NEMF: variants seen among roughly 807,000 people sequenced by gnomAD.
The protein encoded by NEMF is ribosome quality control complex subunit NEMF.
Under a neutral mutation model 162.2 loss-of-function variants are expected in NEMF, and 89 were observed. The observed-to-expected ratio is 0.55, with a 90% CI of 0.46 to 0.65. The LOEUF (loss-of-function observed/expected upper bound fraction) is 0.65. NEMF is among the 30% of genes least tolerant of loss of function. NEMF has a pLI of 0.00. For missense variants in NEMF, 1,133 were observed against 1,261.9 expected (o/e 0.90, Z 1.55); for synonymous variants, 421 against 404.5 (o/e 1.04, Z -0.49).
Position 49,800,664 on chromosome 14 carries a change from C to T in NEMF, c.2128G>A (p.Glu710Lys), listed in dbSNP as rs1890911204. 2 of 1,613,826 alleles carry T rather than the reference C, an allele frequency of 1.2e-6. No homozygotes were observed. The highest frequency in any genetic ancestry group is 1.7e-6 in the Non-Finnish European group (2 of 1,179,998). The stretch of plus-strand genomic sequence containing the variant: ...ACTTCCACAGGAGTTTCATGTTCTT[C>T]TTTATCCTCATCACTGCTCGTGTCA... ...GGDTSSDEDK[E>K]EHETPVEVEL... Residue 710 changes from glutamate to lysine, a missense_variant, in exon 23 of 33, where the codon GAA (glutamate) becomes AAA (lysine). By Grantham distance (56) the Glu-to-Lys change is moderately conservative. Coordinates refer to ENST00000298310, the MANE Select transcript of NEMF (RefSeq NM_004713.6).
chr14:49,816,428 C>A (rs1222528879), intron 16 of NEMF, among the ~76,000 whole-genome samples: 2 of 152,118 alleles, frequency 1.3e-5, no homozygotes, highest in Non-Finnish European at 2.9e-5. Flanking sequence ...CTCCTTTTTG[C>A]CCTTTGAAGC....
intron 18 of NEMF, among the ~76,000 whole-genome samples, chr14:49,812,832 G>A (rs184280286): frequency 6.6e-5 from 10 of 151,248 alleles, no homozygotes; most frequent in East Asian, 5.8e-4. Context: ...TCGCCCTGTC[G>A]CCCAGGCTGG....
intron 10 of NEMF, 89 bp downstream of exon 10, chr14:49,831,960 GTA>G (rs1050548367): frequency 1.3e-6 from 1 of 781,222 alleles, no homozygotes; most frequent in African/African-American, 1.8e-5. Flanking sequence ...TGTAAAGCAA[GTA>G]TAGTTTCAGT....
intron 28 of NEMF, among the ~76,000 whole-genome samples, chr14:49,788,241 T>C (rs1410162612): frequency 7.9e-6 from 1 of 126,114 alleles, no homozygotes; most frequent in African/African-American, 3.1e-5. Context: ...ATTGTGCCAC[T>C]GCACTCCAGC....
chr14:49,836,508 C>G (rs1284679888), intron 6 of NEMF, among the ~76,000 whole-genome samples: 1 of 151,860 alleles, frequency 6.6e-6, no homozygotes, highest in Admixed American at 6.6e-5. Context: ...GAAAAATTAG[C>G]CAGGAGTTCA....
intron 25 of NEMF, among the ~76,000 whole-genome samples, chr14:49,798,198 G>C (rs1312898255): frequency 1.3e-5 from 2 of 152,174 alleles, no homozygotes; most frequent in Non-Finnish European, 2.9e-5. Flanking sequence ...ATAAACTATA[G>C]TCATACAAAT....
intron 28 of NEMF, chr14:49,787,042 G>A (rs1890211030): frequency 3.9e-6 from 1 of 258,388 alleles, no homozygotes; most frequent in African/African-American, 2.2e-5. Flanking sequence ...ATATGTTAAA[G>A]CAGCAAAAGT....
intron 18 of NEMF, 99 bp from the exon 19 acceptor site, chr14:49,806,232 G>GTGTACA: frequency 2.8e-5 from 1 of 36,136 alleles, no homozygotes. Flanking sequence ...AATGATATGT[G>GTGTACA]TATATATATA....
intron 3 of NEMF, among the ~76,000 whole-genome samples, chr14:49,847,830 A>ATTTG: frequency 6.6e-6 from 1 of 151,368 alleles, no homozygotes; most frequent in African/African-American, 2.4e-5. Flanking sequence ...TCAGGAGTTC[A>ATTTG]AGACCAGCCT....
rs1419259460 is a variant in NEMF, at chr14:49,828,651, A to G, written c.1389T>C (p.Val463=). 6.3e-7 allele frequency: 1 copy of G among 1,586,140 alleles called. No homozygotes were observed. ...PQKNKPLLVD[V]DLSLSAYANA... ...TGGCATATGCTGACAAGCTGAGATC[A>G]ACATCTACAAGTAAGGGCTTATTTT... The change falls in exon 14 of 33, where the codon GTT becomes GTC. Residue 463 remains valine (V), a synonymous_variant. Coordinates refer to ENST00000298310, the MANE Select transcript of NEMF (RefSeq NM_004713.6).
At chr14:49,827,043 A>T (rs74048794) in intron 15 of NEMF, among the ~76,000 whole-genome samples, 5,841 of 152,214 alleles carry the variant, frequency 0.038, 394 homozygotes, top group African/African-American at 0.13. Flanking sequence ...GTAGCCAGAA[A>T]GAGTGTATGA....
At chr14:49,836,929 T>C (rs1892935891) in intron 6 of NEMF, among the ~76,000 whole-genome samples, 2 of 152,212 alleles carry the variant, frequency 1.3e-5, no homozygotes, top group African/African-American at 4.8e-5. Flanking sequence ...AGCTGTCACA[T>C]AAGGTCAGTG....
intron 3 of NEMF, among the ~76,000 whole-genome samples, chr14:49,847,814 T>G (rs1220966767): frequency 6.6e-6 from 1 of 150,958 alleles, no homozygotes; most frequent in Non-Finnish European, 1.5e-5. Flanking sequence ...GGTGGATCAC[T>G]TGAGGTCAGG....
chr14:49,800,370 C>G (rs1212496503), intron 23 of NEMF, 50 bp downstream of exon 23: 6 of 1,329,654 alleles, frequency 4.5e-6, no homozygotes, highest in African/African-American at 1.5e-5. Context: ...ATTACCTCAT[C>G]ATCATTCTCA....
In NEMF at chr14:49,829,220, G is replaced by C; in HGVS notation, c.1066C>G (p.Gln356Glu). The change falls in exon 13 of 33, where the codon CAA (glutamine) becomes GAA (glutamate). Residue 356 changes from glutamine (Q) to glutamate (E), a missense_variant. Coordinates refer to ENST00000298310, the MANE Select transcript of NEMF (RefSeq NM_004713.6). ...LKGELIEMNL[Q>E]IVDRAIQVVR... is the part of the protein sequence containing the mutation. ...ACCTGAATGGCTCTGTCAACTATTT[G>C]TAGGTTCATTTCTATGAGCTCTCCT... 1 of 1,614,106 alleles carries C rather than the reference G, an allele frequency of 6.2e-7. No homozygotes were observed. Among genetic ancestry groups the C allele is most frequent in the Non-Finnish European group, 8.5e-7 (1 of 1,180,020 alleles).
In NEMF at chr14:49,783,029, A is replaced by G. The variant is rs1889985051; in HGVS notation, c.*1607T>C. On this transcript the variant is annotated 3_prime_UTR_variant, in exon 33 of 33. Coordinates refer to ENST00000298310, the MANE Select transcript of NEMF (RefSeq NM_004713.6). ...AACATCACAGAGTGGCATCATTTGT[A>G]TAATTATATGCATTGTTGTAGTTTG... 1 of 1,464,420 alleles carries G rather than the reference A, an allele frequency of 6.8e-7. No individual in the cohort carries two copies. The highest frequency in any genetic ancestry group is 2.3e-5 in the East Asian group (1 of 43,326). 90.7% of individuals were successfully genotyped at this position (1,464,420 alleles called of 1,614,324 possible).
At chr14:49,834,863 CA>C (rs1892820550) in intron 6 of NEMF, among the ~76,000 whole-genome samples, 1 of 152,180 alleles carries the variant, frequency 6.6e-6, no homozygotes, top group African/African-American at 2.4e-5. Context: ...CTGGTGAAAA[CA>C]ATAAGTTTAC....
intron 5 of NEMF, 133 bp from the exon 6 acceptor site, chr14:49,838,339 C>A: frequency 1.5e-6 from 1 of 668,144 alleles, no homozygotes. Context: ...GGAATTCATT[C>A]TTCTGTTGTG....
chr14:49,846,207 C>A lies in NEMF; in HGVS notation c.290G>T (p.Arg97Ile). 6.2e-7 allele frequency: 1 copy of A among 1,613,524 alleles called. No individual in the cohort carries two copies. ...LVSAKQLGVD[R>I]IVDFQFGSDE... ...ACTTCCAAATTGAAAATCTACAATT[C>A]TATCCACACCAAGCTGTTTTGCACT... The change falls in exon 4 of 33, where the codon AGA becomes ATA. Residue 97 changes from arginine (R) to isoleucine (I), a missense_variant. By Grantham distance (97) the Arg-to-Ile change is moderately conservative. Around this residue, in one of 3 missense-constraint regions of NEMF, gnomAD observed 582 missense variants for 631.5 expected, o/e 0.92. Transcript: ENST00000298310.
Sources: gnomAD v4.1 joint callset for allele counts (sites outside exome capture counted in the v4.1 genomes callset) on GRCh38, gnomAD v4.1.1 for gene constraint, gnomAD v4.1.1 regional missense constraint, MANE v1.5 for transcripts, NCBI Gene and HGNC (gene_info 2026-07-23, HGNC 2026-07-21) for gene names.